DLG1: variants seen among roughly 807,000 people sequenced by gnomAD.
The protein encoded by DLG1 is disks large homolog 1.
In DLG1, 42 loss-of-function variants were observed where a neutral mutation model predicts 123.4. The observed-to-expected ratio is 0.34, with a 90% confidence interval of 0.27 to 0.44. The LOEUF is 0.44. Among genes scored for constraint, DLG1 ranks in the 20% least tolerant of loss-of-function variants. The probability of loss-of-function intolerance (pLI) is 1.00; values close to 1 mark genes in which losing one functional copy is unlikely to be tolerated. For missense variants in DLG1, 942 were observed against 1,082.6 expected (o/e 0.87, Z 1.82); for synonymous variants, 317 against 356.2 (o/e 0.89, Z 1.24).
At chr3:197,076,050 T>C (rs2149000826) in intron 18 of DLG1, among the ~76,000 whole-genome samples, 1 of 152,344 alleles carries the variant, frequency 6.6e-6, no homozygotes, top group Admixed American at 6.5e-5. Flanking sequence ...CTGCTAACTG[T>C]AATCTACCAA....
Position 197,112,770 on chromosome 3 carries a change from T to A in DLG1, c.1443+3157A>T, listed in dbSNP as rs540662513. ...TATGTCTGGCTAATTAAAAAAAAATTTTTTTTTTAAAGATGGGGTCTTGCT... is the reference window on the plus strand; with the variant it reads ...TATGTCTGGCTAATTAAAAAAAAATATTTTTTTTAAAGATGGGGTCTTGCT... On this transcript the variant is annotated intron_variant, in intron 13 of 24. Coordinates refer to ENST00000667157, the MANE Select transcript of DLG1 (RefSeq NM_001366207.1). Among the ~76,000 whole-genome samples, 520 of 151,562 alleles carry A rather than the reference T, an allele frequency of 3.4e-3. 2 individuals carry two copies. Among genetic ancestry groups the A allele is most frequent in the African/African-American group, 5.1e-3 (210 of 41,358 alleles).
intron 5 of DLG1, chr3:197,183,767 G>T: frequency 6.4e-7 from 1 of 1,550,460 alleles, no homozygotes. Flanking sequence ...CTCGACTGCC[G>T]CGAGAGTATA....
In DLG1 at chr3:197,208,980, A is replaced by G. The variant is rs1018215747; in HGVS notation, c.319-14391T>C. ...TACTGGTACACAGCTAGAAAATCCAAGCAAATCCACTAAAAAAATTACTAG... is the reference window on the plus strand; with the variant it reads ...TACTGGTACACAGCTAGAAAATCCAGGCAAATCCACTAAAAAAATTACTAG... On this transcript the variant is annotated intron_variant, in intron 4 of 24. Transcript: ENST00000667157. Among the ~76,000 whole-genome samples, 7 of 146,386 alleles carry G rather than the reference A, an allele frequency of 4.8e-5. 1 individual carries two copies. Among genetic ancestry groups the G allele is most frequent in the Admixed American group, 2.1e-4 (3 of 14,556 alleles).
chr3:197,130,705 T>G, intron 10 of DLG1, 34 bp from the exon 11 acceptor site: 1 of 1,494,160 alleles, frequency 6.7e-7, no homozygotes. Flanking sequence ...TTATGACATA[T>G]TCACTTGTTC....
intron 23 of DLG1, among the ~76,000 whole-genome samples, chr3:197,056,591 C>A (rs1241875855): frequency 6.6e-6 from 1 of 152,160 alleles, no homozygotes; most frequent in Non-Finnish European, 1.5e-5. Context: ...ATGACGGGTT[C>A]AAGTCTTTAA....
intron 3 of DLG1, among the ~76,000 whole-genome samples, chr3:197,289,671 G>T (rs905532836): frequency 2.0e-5 from 3 of 151,974 alleles, no homozygotes; most frequent in Non-Finnish European, 4.4e-5. Context: ...ATCAGTGAAG[G>T]GCAGATGACA....
At position 197,297,251 on chromosome 3, in the gene DLG1, C is replaced by T. The variant is rs1477351608; in HGVS notation, c.-31-16G>A. ...GGGCACACACCTTTAAAACACACAA[C>T]GGAAAGGAAAAAGGATAGAATCATG... On this transcript the variant is annotated splice_polypyrimidine_tract_variant and intron_variant, in intron 1 of 24. Transcript: ENST00000667157. The T allele has an allele frequency of 6.2e-7, 1 of 1,612,466 alleles. No individual in the cohort carries two copies. The highest frequency in any genetic ancestry group is 1.7e-5 in the Admixed American group (1 of 59,734).
At chr3:197,238,306 C>G (rs1432990983) in intron 4 of DLG1, among the ~76,000 whole-genome samples, 5 of 152,062 alleles carry the variant, frequency 3.3e-5, no homozygotes, top group Non-Finnish European at 7.4e-5. Context: ...TCAGGAGATG[C>G]CAACATCAAG....
chr3:197,099,761 T>C (rs149032127), intron 14 of DLG1, among the ~76,000 whole-genome samples: 1 of 152,274 alleles, frequency 6.6e-6, no homozygotes, highest in Non-Finnish European at 1.5e-5. Context: ...TGTAATAAAA[T>C]ACATTAAACA....
chr3:197,058,121 G>A (rs1733105374), intron 23 of DLG1, among the ~76,000 whole-genome samples: 1 of 151,894 alleles, frequency 6.6e-6, no homozygotes, highest in South Asian at 2.1e-4. Context: ...TGAGACCACA[G>A]GCGCACACCA....
intron 4 of DLG1, among the ~76,000 whole-genome samples, chr3:197,196,171 CAAAAAAAAA>C (rs71162001): frequency 9.0e-5 from 8 of 88,712 alleles, no homozygotes; most frequent in Admixed American, 1.4e-4. Context: ...AAATGCACAC[CAAAAAAAAA>C]AAAAAAAAAA....
intron 4 of DLG1, among the ~76,000 whole-genome samples, chr3:197,214,405 T>A (rs1464435687): frequency 2.0e-5 from 3 of 151,940 alleles, no homozygotes; most frequent in African/African-American, 7.3e-5. Context: ...AAACCCCGTC[T>A]CTACTAAAAA....
chr3:197,219,766 G>A (rs1735983401), intron 4 of DLG1, among the ~76,000 whole-genome samples: 1 of 152,150 alleles, frequency 6.6e-6, no homozygotes, highest in Admixed American at 6.5e-5. Context: ...GAAAGGCCAC[G>A]TGAAGAGGCA....
intron 4 of DLG1, among the ~76,000 whole-genome samples, chr3:197,281,610 T>C (rs888295364): frequency 2.6e-5 from 4 of 152,048 alleles, no homozygotes; most frequent in South Asian, 2.1e-4. Context: ...GGAAAAAAAG[T>C]GTAAAGAAAA....
At chr3:197,185,498 C>T (rs1715382828) in intron 5 of DLG1, among the ~76,000 whole-genome samples, 1 of 152,064 alleles carries the variant, frequency 6.6e-6, no homozygotes, top group South Asian at 2.1e-4. Flanking sequence ...ATTTATGGCC[C>T]CAGAGTGATC....
chr3:197,146,724 A>C lies in DLG1; in HGVS notation c.537+3019T>G, dbSNP rs1357584415. On this transcript the variant is annotated intron_variant, in intron 6 of 24. Coordinates refer to ENST00000667157, the MANE Select transcript of DLG1 (RefSeq NM_001366207.1). ...GAAGATAACATCAGAAAACCCTTCT[A>C]AACATTGGCTTAGGCAAAGACTTCA... Among the ~76,000 whole-genome samples the C allele has an allele frequency of 2.6e-5, 4 of 152,216 alleles. 1 individual carries two copies. The highest frequency in any genetic ancestry group is 9.6e-5 in the African/African-American group (4 of 41,460).
intron 6 of DLG1, among the ~76,000 whole-genome samples, chr3:197,148,551 T>C (rs867669060): frequency 9.2e-5 from 14 of 152,140 alleles, no homozygotes; most frequent in Non-Finnish European, 1.6e-4. Flanking sequence ...AGTTAACTGA[T>C]TTTCTATATG....
chr3:197,133,273 AACTC>A (rs911670227), intron 10 of DLG1, among the ~76,000 whole-genome samples: 9 of 152,246 alleles, frequency 5.9e-5, no homozygotes, highest in African/African-American at 2.2e-4. Context: ...TCCTGTGTGA[AACTC>A]ACCCTAACCA....
intron 11 of DLG1, among the ~76,000 whole-genome samples, chr3:197,123,050 C>T (rs1440812183): frequency 6.6e-6 from 1 of 151,970 alleles, no homozygotes; most frequent in Non-Finnish European, 1.5e-5. Context: ...AAGAAAAGCA[C>T]CAATGCAATT....
Sources: gnomAD v4.1 joint callset for allele counts (sites outside exome capture counted in the v4.1 genomes callset) on GRCh38, gnomAD v4.1.1 for gene constraint, MANE v1.5 for transcripts, NCBI Gene and HGNC (gene_info 2026-07-23, HGNC 2026-07-21) for gene names.